HAT1: variants seen among roughly 807,000 people sequenced by gnomAD.
The protein encoded by HAT1 is histone acetyltransferase type B catalytic subunit.
A neutral mutation model predicts 56.6 loss-of-function variants in HAT1; 20 were observed. The ratio of observed to expected loss-of-function variants is 0.35; its 90% CI spans 0.25 to 0.51. The LOEUF is 0.51. Among genes scored for constraint, HAT1 ranks in the 20% least tolerant of loss-of-function variants. HAT1 has a pLI of 0.95. For missense variants in HAT1, 408 were observed against 504.3 expected (o/e 0.81, Z 1.83); for synonymous variants, 146 against 165.5 (o/e 0.88, Z 0.91).
intron 2 of HAT1, among the ~76,000 whole-genome samples, chr2:171,940,495 G>A (rs1168715715): frequency 1.3e-5 from 2 of 152,224 alleles, no homozygotes; most frequent in East Asian, 3.8e-4. Flanking sequence ...GTCCTTAGCA[G>A]CAGGCAGGAT....
chr2:171,922,570 G>A, intron 1 of HAT1, 63 bp downstream of exon 1: 1 of 1,262,510 alleles, frequency 7.9e-7, no homozygotes, highest in African/African-American at 1.5e-5. Context: ...AGAACGCCGA[G>A]ACGGTGGTGA....
At chr2:171,953,491 C>T (rs1247248617) in intron 4 of HAT1, among the ~76,000 whole-genome samples, 2 of 150,892 alleles carry the variant, frequency 1.3e-5, no homozygotes, top group Non-Finnish European at 2.9e-5. Context: ...CCAGCCTGGA[C>T]AACATAGTGA....
chr2:171,979,191 A>G, intron 9 of HAT1, 56 bp from the exon 10 acceptor site: 1 of 798,266 alleles, frequency 1.3e-6, no homozygotes, highest in South Asian at 1.6e-5. Context: ...TTCTTTTGGG[A>G]AAGTGTCATT....
At chr2:171,930,199 T>A (rs189161734) in intron 2 of HAT1, among the ~76,000 whole-genome samples, 1 of 152,322 alleles carries the variant, frequency 6.6e-6, no homozygotes, top group Admixed American at 6.5e-5. Flanking sequence ...GTGTGACATG[T>A]TCTCACTTTG....
At chr2:171,936,913 C>CA (rs1323415395) in intron 2 of HAT1, among the ~76,000 whole-genome samples, 1 of 152,050 alleles carries the variant, frequency 6.6e-6, no homozygotes, top group African/African-American at 2.4e-5. Flanking sequence ...ATTATGAGCA[C>CA]CTGTTGATAG....
At chr2:171,974,204 A>AAAAAAAAAAAAAAAAAAAAAAAT in intron 8 of HAT1, among the ~76,000 whole-genome samples, 1 of 73,926 alleles carries the variant, frequency 1.4e-5, no homozygotes, top group Non-Finnish European at 3.1e-5. Context: ...AAAAAAAGAA[A>AAAAAAAAAAAAAAAAAAAAAAAT]AAGAAAAAAA....
At chr2:171,981,445 A>G (rs944130035) in intron 10 of HAT1, among the ~76,000 whole-genome samples, 1 of 152,196 alleles carries the variant, frequency 6.6e-6, no homozygotes, top group South Asian at 2.1e-4. Flanking sequence ...AGAAAATTTA[A>G]GTTTTATTTG....
chr2:171,936,758 T>A (rs1686882522), intron 2 of HAT1, among the ~76,000 whole-genome samples: 1 of 152,156 alleles, frequency 6.6e-6, no homozygotes, highest in Non-Finnish European at 1.5e-5. Context: ...GTTTTTCAAT[T>A]TAGCATGGGT....
At chr2:171,926,067 T>C (rs1033610815) in intron 2 of HAT1, among the ~76,000 whole-genome samples, 1 of 152,180 alleles carries the variant, frequency 6.6e-6, no homozygotes, top group Non-Finnish European at 1.5e-5. Context: ...TTTTATTTTC[T>C]TTCCTTCCTT....
intron 4 of HAT1, among the ~76,000 whole-genome samples, chr2:171,958,964 A>C (rs1687511524): frequency 6.6e-6 from 1 of 152,154 alleles, no homozygotes; most frequent in Non-Finnish European, 1.5e-5. Flanking sequence ...TAGTATTAGA[A>C]ATATTTTGAG....
chr2:171,953,700 A>G (rs933273860), intron 4 of HAT1, among the ~76,000 whole-genome samples: 9 of 149,346 alleles, frequency 6.0e-5, no homozygotes, highest in Non-Finnish European at 1.3e-4. Context: ...GTAGTTTTAA[A>G]ATCACATTCT....
At chr2:171,977,924 C>A (rs2105347492) in intron 9 of HAT1, among the ~76,000 whole-genome samples, 1 of 152,170 alleles carries the variant, frequency 6.6e-6, no homozygotes, top group Non-Finnish European at 1.5e-5. Flanking sequence ...TACCCCAACT[C>A]CCTGCCCAAA....
chr2:171,964,637 T>G (rs2105334423), intron 4 of HAT1, among the ~76,000 whole-genome samples: 1 of 152,256 alleles, frequency 6.6e-6, no homozygotes, highest in African/African-American at 2.4e-5. Context: ...TTGAAAAGGA[T>G]TATGAAGTCT....
chr2:171,962,754 T>C (rs922689056), intron 4 of HAT1, among the ~76,000 whole-genome samples: 2 of 152,202 alleles, frequency 1.3e-5, no homozygotes, highest in Non-Finnish European at 2.9e-5. Context: ...GTCAGCTGAA[T>C]TTCTTACCCT....
In HAT1 at chr2:171,962,145, G is replaced by A. The variant is rs73976534; in HGVS notation, c.310-3193G>A. ...TAGATTACTAATTATCAGGCATATC[G>A]CTTTATTCAATAATGAGGAAATGCA... On this transcript the variant is annotated intron_variant, in intron 4 of 10. Coordinates refer to ENST00000264108, the MANE Select transcript of HAT1 (RefSeq NM_003642.4). Among the ~76,000 whole-genome samples the A allele has an allele frequency of 3.5e-3, 528 of 152,014 alleles. 3 individuals are homozygous for A. The highest frequency in any genetic ancestry group is 0.011 in the African/African-American group (477 of 41,480).
intron 2 of HAT1, among the ~76,000 whole-genome samples, chr2:171,938,372 G>A (rs1686931012): frequency 6.6e-6 from 1 of 152,134 alleles, no homozygotes; most frequent in South Asian, 2.1e-4. Context: ...GACCAGGGAG[G>A]GAGGTTTGCG....
intron 2 of HAT1, among the ~76,000 whole-genome samples, chr2:171,945,396 G>A (rs980514588): frequency 3.3e-5 from 5 of 152,024 alleles, no homozygotes; most frequent in Non-Finnish European, 7.4e-5. Flanking sequence ...GATGTAGGGA[G>A]CAAAGGAGTC....
At chr2:171,982,151 T>G (rs1431006446) in intron 10 of HAT1, among the ~76,000 whole-genome samples, 1 of 151,874 alleles carries the variant, frequency 6.6e-6, no homozygotes, top group Non-Finnish European at 1.5e-5. Flanking sequence ...TGATAATTCT[T>G]TTTTATATTA....
chr2:171,968,722 A>G (rs1687741690), intron 8 of HAT1, among the ~76,000 whole-genome samples: 1 of 152,054 alleles, frequency 6.6e-6, no homozygotes, highest in Non-Finnish European at 1.5e-5. Context: ...GTTCTCATTA[A>G]GATATTTATT....
Sources: allele counts gnomAD v4.1 joint callset (sites outside exome capture counted in the v4.1 genomes callset), GRCh38; gene constraint gnomAD v4.1.1; transcripts MANE v1.5; gene names NCBI Gene and HGNC (gene_info 2026-07-23, HGNC 2026-07-21).